The following PKHD1 variants were observed in gnomAD, a reference collection of about 807,000 sequenced individuals.
PKHD1 encodes fibrocystin.
Under a neutral mutation model 412.0 loss-of-function variants are expected in PKHD1, and 291 were observed. That is an observed-to-expected ratio of 0.71 (90% CI 0.64 to 0.78). The LOEUF (loss-of-function observed/expected upper bound fraction) is 0.78. PKHD1 is among the 30% of genes least tolerant of loss of function. The pLI is 0.00. For missense variants in PKHD1, 4,825 were observed against 4,950.7 expected, an observed-to-expected ratio of 0.97 and a Z score of 0.76; for synonymous variants, 1,777 against 1,821.5, an observed-to-expected ratio of 0.98 and a Z score of 0.62.
intron 60 of PKHD1, among the ~76,000 whole-genome samples, chr6:51,690,109 T>C (rs2150619462): frequency 6.6e-6 from 1 of 151,552 alleles, no homozygotes; most frequent in Middle Eastern, 3.4e-3. Flanking sequence ...CCGTCTCTAC[T>C]AAAAATACAA....
chr6:51,850,851 A>C (rs1009625658), intron 49 of PKHD1, among the ~76,000 whole-genome samples: 2 of 152,144 alleles, frequency 1.3e-5, no homozygotes, highest in African/African-American at 4.8e-5. Flanking sequence ...AAGAGAGACA[A>C]CTTGACTTCC....
At chr6:51,790,653 C>T (rs1185870171) in intron 53 of PKHD1, among the ~76,000 whole-genome samples, 1 of 152,184 alleles carries the variant, frequency 6.6e-6, no homozygotes, top group Non-Finnish European at 1.5e-5. Context: ...TCCCACATAA[C>T]CAAGCAAACC....
chr6:51,674,177 G>A (rs1389394386), intron 60 of PKHD1, among the ~76,000 whole-genome samples: 3 of 152,212 alleles, frequency 2.0e-5, no homozygotes, highest in Admixed American at 2.0e-4. Flanking sequence ...TACTGCTTAA[G>A]GAGATCTTAT....
intron 23 of PKHD1, among the ~76,000 whole-genome samples, chr6:52,047,254 C>T (rs1196312178): frequency 6.6e-6 from 1 of 152,082 alleles, no homozygotes; most frequent in East Asian, 1.9e-4. Flanking sequence ...AGGCAGGGCA[C>T]GATTGATGTT....
At chr6:52,020,454 T>C (rs745422700) in intron 33 of PKHD1, among the ~76,000 whole-genome samples, 10 of 152,146 alleles carry the variant, frequency 6.6e-5, no homozygotes, top group Non-Finnish European at 1.5e-4. Flanking sequence ...GGAAAGAATA[T>C]AGGATTTCAG....
chr6:51,959,967 T>C lies in PKHD1; in HGVS notation c.5811A>G (p.Glu1937=). 1.9e-6 allele frequency: 3 copies of C among 1,613,526 alleles called. No individual in the cohort carries two copies. The highest frequency in any genetic ancestry group is 2.5e-6 in the Non-Finnish European group (3 of 1,179,624). Residue 1937 remains glutamate, a synonymous_variant, in exon 36 of 67, where the codon GAA becomes GAG. Coordinates refer to ENST00000371117, the MANE Select transcript of PKHD1 (RefSeq NM_138694.4). ...CGTTGTCGCCATCTTGTGGCAGCCT[T>C]TCAGGAAACCAGCTGTGAGTCCTGG... ...RWSRTHSWFP[E]RLPQDGDNVT...
intron 46 of PKHD1, among the ~76,000 whole-genome samples, chr6:51,877,768 G>T (rs1583162734): frequency 8.0e-5 from 1 of 12,558 alleles, no homozygotes; most frequent in African/African-American, 5.8e-4. Flanking sequence ...GAAAATCAGA[G>T]CAGAACTGAA....
intron 35 of PKHD1, among the ~76,000 whole-genome samples, chr6:51,981,762 T>A (rs1289971350): frequency 7.0e-6 from 1 of 142,060 alleles, no homozygotes; most frequent in East Asian, 2.1e-4. Flanking sequence ...GTGAGGAGCG[T>A]CTCTGCTTGG....
chr6:51,645,503 G>A (rs1329099609), intron 63 of PKHD1, among the ~76,000 whole-genome samples: 1 of 151,996 alleles, frequency 6.6e-6, no homozygotes, highest in Admixed American at 6.6e-5. Flanking sequence ...AGTGATTCTC[G>A]TGCCTCCGCT....
At chr6:51,969,674 C>T (rs1027618171) in intron 35 of PKHD1, among the ~76,000 whole-genome samples, 2 of 152,158 alleles carry the variant, frequency 1.3e-5, no homozygotes, top group African/African-American at 4.8e-5. Context: ...AGTTACTTCA[C>T]TTAAGATAAT....
intron 35 of PKHD1, among the ~76,000 whole-genome samples, chr6:52,003,532 C>G (rs1475637137): frequency 6.6e-6 from 1 of 152,160 alleles, no homozygotes; most frequent in Non-Finnish European, 1.5e-5. Flanking sequence ...CTTAACCCCC[C>G]AAAATCTGGT....
intron 60 of PKHD1, among the ~76,000 whole-genome samples, chr6:51,707,946 T>C (rs568961959): frequency 2.6e-5 from 4 of 152,290 alleles, no homozygotes; most frequent in Middle Eastern, 3.4e-3. Flanking sequence ...TCCTTCAACA[T>C]TGGGGGGCTC....
rs1255417471 is a variant in PKHD1 at position 52,059,880 on chromosome 6, G to A, written c.1233+48C>T. ...ACTTTGATTCTTTCTTTCTTCATGG[G>A]TATGGGACTGGCAACAGAGAAAAGG... is the stretch of plus-strand genomic sequence containing the variant. On this transcript the variant is annotated intron_variant, in intron 15 of 66. Transcript: ENST00000371117. The A allele has an allele frequency of 5.7e-6, 5 of 882,634 alleles. No individual in the cohort carries two copies. The Admixed American group carries it at 8.5e-5, about 15-fold the overall frequency. The allele number at this position is 882,634 out of a possible 1,614,324, so 54.7% of individuals were successfully genotyped here.
At chr6:51,897,038 T>G (rs1482828075) in intron 43 of PKHD1, among the ~76,000 whole-genome samples, 160 of 150,924 alleles carry the variant, frequency 1.1e-3, no homozygotes, top group East Asian at 5.8e-4. Context: ...TACGTCTGAT[T>G]GGTGTACCTG....
Position 51,906,324 on chromosome 6 carries a change from G to T in PKHD1, c.6699C>A (p.Gly2233=), listed in dbSNP as rs1267135542. ...TACTGAAGGAGTTCCTCACTGTGCA[G>T]CCCTGTATGAAAGACTCTGAATAGG... ...VGAMRESFIQ[G]CTVRNSFSRG... The change falls in exon 41 of 67, where the codon GGC becomes GGA. Residue 2233 remains glycine (G), a synonymous_variant. Transcript: ENST00000371117. 2 of 1,610,734 alleles carry T rather than the reference G, an allele frequency of 1.2e-6. No homozygotes were observed. Among genetic ancestry groups the T allele is most frequent in the Admixed American group, 1.7e-5 (1 of 59,888 alleles).
intron 37 of PKHD1, among the ~76,000 whole-genome samples, chr6:51,929,505 G>A (rs1786242165): frequency 7.9e-6 from 1 of 127,100 alleles, no homozygotes; most frequent in Non-Finnish European, 1.7e-5. Flanking sequence ...TCCCCTCCAG[G>A]AAACATTTGG....
At chr6:51,920,091 C>G (rs547732802) in intron 37 of PKHD1, among the ~76,000 whole-genome samples, 48 of 152,202 alleles carry the variant, frequency 3.2e-4, no homozygotes, top group Non-Finnish European at 5.9e-4. Flanking sequence ...ATTTGACTTC[C>G]TCTTTTCCTA....
rs145511641 is a variant in PKHD1, at chr6:51,636,030, G to A, written c.11506+2819C>T. On this transcript the variant is annotated intron_variant, in intron 64 of 66. Transcript: ENST00000371117. ...TAGTGAACGTGGAAAGGCTAGCTAC[G>A]AAGTCAGTACTACAAACTTACAGAA... Among the ~76,000 whole-genome samples the A allele has an allele frequency of 6.7e-3, 1,017 of 152,232 alleles. 10 individuals are homozygous for A. The highest frequency in any genetic ancestry group is 9.9e-3 in the Non-Finnish European group (671 of 68,018).
At chr6:52,084,755 A>T in intron 2 of PKHD1, 127 bp downstream of exon 2, 1 of 758,558 alleles carries the variant, frequency 1.3e-6, no homozygotes, top group Non-Finnish European at 2.4e-6. Context: ...CAATTTTTTG[A>T]TTGGCAAGTT....
Sources: allele counts gnomAD v4.1 joint callset (sites outside exome capture counted in the v4.1 genomes callset), GRCh38; gene constraint gnomAD v4.1.1; transcripts MANE v1.5; gene names NCBI Gene and HGNC (gene_info 2026-07-23, HGNC 2026-07-21).